The following TP63 variants were observed in gnomAD, a reference collection of about 807,000 sequenced individuals.
The protein encoded by TP63 is tumor protein 63.
TP63 carries 17 observed loss-of-function variants against 82.8 expected under a neutral mutation model. The observed-to-expected ratio is 0.21, with a 90% CI of 0.14 to 0.31. The LOEUF (loss-of-function observed/expected upper bound fraction) is 0.31, where lower values mean the gene tolerates loss of function less well. TP63 is among the 10% of genes least tolerant of loss of function. The probability of loss-of-function intolerance (pLI) is 1.00; values close to 1 mark genes in which losing one functional copy is unlikely to be tolerated. For synonymous variants in TP63, 330 were observed against 321.7 expected, an observed-to-expected ratio of 1.03 and a Z score of -0.28; for missense variants, 648 against 895.3, an observed-to-expected ratio of 0.72 and a Z score of 3.52.
chr3:189,657,622 A>G (rs1713499586), intron 1 of TP63, among the ~76,000 whole-genome samples: 1 of 152,178 alleles, frequency 6.6e-6, no homozygotes, highest in South Asian at 2.1e-4. Context: ...TGGATGGTAC[A>G]TGGTAAGAAC....
chr3:189,760,948 A>G (rs569263567), intron 3 of TP63, among the ~76,000 whole-genome samples: 2 of 152,312 alleles, frequency 1.3e-5, no homozygotes, highest in South Asian at 4.1e-4. Context: ...GCACCCTCTG[A>G]GGCCATGGTA....
chr3:189,865,966 T>A (rs1225709172), intron 5 of TP63, among the ~76,000 whole-genome samples: 1 of 152,224 alleles, frequency 6.6e-6, no homozygotes. Flanking sequence ...TTTTATTGAA[T>A]GGTTTTTGTA....
intron 13 of TP63, among the ~76,000 whole-genome samples, chr3:189,893,251 C>T (rs1473596977): frequency 1.3e-5 from 2 of 151,982 alleles, no homozygotes; most frequent in African/African-American, 4.8e-5. Context: ...CATCTTTTGC[C>T]CTATAAAGCA....
intron 3 of TP63, among the ~76,000 whole-genome samples, chr3:189,784,433 C>T (rs367861251): frequency 2.0e-5 from 3 of 152,022 alleles, no homozygotes; most frequent in African/African-American, 7.2e-5. Context: ...TACACAGATT[C>T]GGATCTCAAT....
intron 10 of TP63, among the ~76,000 whole-genome samples, chr3:189,882,953 A>G (rs1248714000): frequency 6.6e-6 from 1 of 152,218 alleles, no homozygotes; most frequent in Non-Finnish European, 1.5e-5. Flanking sequence ...AATTCTTAGA[A>G]AAATCTAGTG....
intron 4 of TP63, among the ~76,000 whole-genome samples, chr3:189,810,063 C>T (rs1466112572): frequency 1.3e-5 from 2 of 152,058 alleles, no homozygotes; most frequent in African/African-American, 4.8e-5. Context: ...AGTAATTCTC[C>T]GGTGGCTCAT....
intron 1 of TP63, among the ~76,000 whole-genome samples, chr3:189,701,159 C>T (rs900551184): frequency 2.0e-5 from 3 of 152,044 alleles, no homozygotes; most frequent in African/African-American, 7.2e-5. Context: ...TCCATTAAAC[C>T]TCTTTTTCTT....
intron 4 of TP63, among the ~76,000 whole-genome samples, chr3:189,809,824 G>A (rs772124145): frequency 2.6e-5 from 4 of 152,070 alleles, no homozygotes; most frequent in Non-Finnish European, 5.9e-5. Context: ...AAGTACCCAG[G>A]ACAAGTTTTA....
chr3:189,621,437 T>C, the TP63 span, among the ~76,000 whole-genome samples: 2 of 152,058 alleles, frequency 1.3e-5, no homozygotes, highest in Admixed American at 1.3e-4. Flanking sequence ...TCTCTGTATA[T>C]ACATACATAT....
chr3:189,836,639 C>G (rs1210697466), intron 4 of TP63, among the ~76,000 whole-genome samples: 2 of 152,204 alleles, frequency 1.3e-5, no homozygotes, highest in African/African-American at 4.8e-5. Context: ...GCAAACCCAT[C>G]CATACACCTA....
At chr3:189,814,625 A>G (rs1249854762) in intron 4 of TP63, among the ~76,000 whole-genome samples, 1 of 152,188 alleles carries the variant, frequency 6.6e-6, no homozygotes, top group East Asian at 1.9e-4. Context: ...AGTATTGAGG[A>G]AGAATGTACT....
chr3:189,687,156 C>A (rs989674960), intron 1 of TP63, among the ~76,000 whole-genome samples: 1 of 152,076 alleles, frequency 6.6e-6, no homozygotes, highest in African/African-American at 2.4e-5. Flanking sequence ...GCAAAATGAG[C>A]TCCATTGTCT....
At chr3:189,763,921 A>G (rs983207309) in intron 3 of TP63, among the ~76,000 whole-genome samples, 19 of 152,180 alleles carry the variant, frequency 1.2e-4, no homozygotes, top group Non-Finnish European at 1.5e-5. Context: ...TGTGAACCCT[A>G]CAGCAAGATA....
chr3:189,610,559 G>A, the TP63 span, among the ~76,000 whole-genome samples: 1 of 152,086 alleles, frequency 6.6e-6, no homozygotes, highest in Non-Finnish European at 1.5e-5. Flanking sequence ...GGACCTTATT[G>A]TCCATGTCGT....
intron 4 of TP63, among the ~76,000 whole-genome samples, chr3:189,817,051 A>G (rs556991662): frequency 4.6e-5 from 7 of 151,970 alleles, no homozygotes; most frequent in Non-Finnish European, 8.8e-5. Context: ...TGTATCAGAA[A>G]GGCCTGAAAA....
At chr3:189,852,980 T>C (rs1328515505) in intron 4 of TP63, among the ~76,000 whole-genome samples, 7 of 152,216 alleles carry the variant, frequency 4.6e-5, no homozygotes. Flanking sequence ...GGGTGCACAA[T>C]CCAATTGGTG....
chr3:189,679,485 T>C (rs889463814), intron 1 of TP63, among the ~76,000 whole-genome samples: 1 of 152,124 alleles, frequency 6.6e-6, no homozygotes, highest in Middle Eastern at 3.2e-3. Flanking sequence ...GATTATTTGT[T>C]TTCTTGCAAT....
chr3:189,774,672 G>A (rs1411796906), intron 3 of TP63, among the ~76,000 whole-genome samples: 2 of 152,112 alleles, frequency 1.3e-5, no homozygotes, highest in East Asian at 1.9e-4. Flanking sequence ...GATGATGTAG[G>A]TGTTGTTATC....
chr3:189,706,546 GC>G (rs1718215246), intron 1 of TP63, among the ~76,000 whole-genome samples: 1 of 152,130 alleles, frequency 6.6e-6, no homozygotes. Context: ...GAGCCACCGT[GC>G]CCGGCCGTGA....
Sources: gnomAD v4.1 joint callset for allele counts (sites outside exome capture counted in the v4.1 genomes callset) on GRCh38, gnomAD v4.1.1 for gene constraint, MANE v1.5 for transcripts, NCBI Gene and HGNC (gene_info 2026-07-23, HGNC 2026-07-21) for gene names.